MAX: variants seen among roughly 807,000 people sequenced by gnomAD.
MAX encodes protein max.
A neutral mutation model predicts 22.3 loss-of-function variants in MAX; 3 were observed. The observed-to-expected ratio is 0.13, with a 90% CI of 0.06 to 0.35. The LOEUF (loss-of-function observed/expected upper bound fraction) is 0.35. MAX is among the 10% of genes least tolerant of loss of function. MAX has a pLI of 1.00. For synonymous variants in MAX, 72 were observed against 77.7 expected (o/e 0.93, Z 0.39); for missense variants, 119 against 209.4 (o/e 0.57, Z 2.66).
chr14:65,066,877 A>AAC (rs1297900162), intron 3 of MAX, among the ~76,000 whole-genome samples: 1 of 146,472 alleles, frequency 6.8e-6, no homozygotes, highest in Non-Finnish European at 1.5e-5. Context: ...AAAAAAAAAA[A>AAC]AACAATGTAT....
intron 3 of MAX, among the ~76,000 whole-genome samples, chr14:65,081,054 C>T (rs937429617): frequency 2.0e-5 from 3 of 152,174 alleles, no homozygotes; most frequent in African/African-American, 7.2e-5. Context: ...ATGTTCAGAA[C>T]ATAGTGTCTT....
In MAX at chr14:65,047,021, A is replaced by C. The variant is rs1295245228; in HGVS notation, c.172-40737T>G. 6.6e-6 allele frequency among the ~76,000 whole-genome samples: 1 copy of C among 152,236 alleles called. No individual in the cohort carries two copies. The highest frequency in any genetic ancestry group is 1.5e-5 in the Non-Finnish European group (1 of 68,046). On this transcript the variant is annotated intron_variant, in intron 3 of 3. Transcript: ENST00000341653. The surrounding 1 kb of genome is among the most constrained non-coding windows in gnomAD (Gnocchi z 5.2). ...GAATGGCTAATTTCTTTAATTTGAA[A>C]AAAAATCATACAAACCAGTAAGAAA...
chr14:65,012,313 C>T lies in MAX; in HGVS notation c.172-6029G>A. The T allele has an allele frequency of 1.2e-6, 2 of 1,613,996 alleles. No individual in the cohort carries two copies. Among genetic ancestry groups the T allele is most frequent in the South Asian group, 1.1e-5 (1 of 91,080 alleles). Reference sequence around the variant, plus strand: ...ATGGGCTTATAAACTGTTTGTCTTTCCAGGCTTGTTTTGCAGAGGGAGAAG... The same window carrying T: ...ATGGGCTTATAAACTGTTTGTCTTTTCAGGCTTGTTTTGCAGAGGGAGAAG... On this transcript the variant is annotated intron_variant, in intron 3 of 3. Coordinates refer to the MAX transcript ENST00000341653. This position sits in a 1 kb window ranked among gnomAD's most constrained non-coding sequence, Gnocchi z 5.0.
chr14:65,027,829 C>T lies in MAX; in HGVS notation c.172-21545G>A, dbSNP rs2062011496. The stretch of plus-strand genomic sequence containing the variant: ...TGCCACATCAGTTGACTCTAGAGCT[C>T]ATCTGCCATTAGAGATGCCAAGCCT... On this transcript the variant is annotated intron_variant, in intron 3 of 3. Transcript: ENST00000341653. This position sits in a 1 kb window ranked among gnomAD's most constrained non-coding sequence, Gnocchi z 5.7. The T allele has an allele frequency of 6.2e-7, 1 of 1,611,168 alleles. No individual in the cohort carries two copies. The highest frequency in any genetic ancestry group is 1.7e-5 in the Admixed American group (1 of 59,708).
rs1462240259 is a variant in MAX at position 65,047,630 on chromosome 14, A to C, written c.172-41346T>G. Among the ~76,000 whole-genome samples, 2 of 152,182 alleles carry C rather than the reference A, an allele frequency of 1.3e-5. No individual in the cohort carries two copies. The highest frequency in any genetic ancestry group is 2.9e-5 in the Non-Finnish European group (2 of 68,030). ...AGACATCCATTTAAATTATAAGGGCACTTACCCTTTGAACACAGCAAGTGC... is the reference window on the plus strand; with the variant it reads ...AGACATCCATTTAAATTATAAGGGCCCTTACCCTTTGAACACAGCAAGTGC... On this transcript the variant is annotated intron_variant, in intron 3 of 3. Transcript: ENST00000341653. This position sits in a 1 kb window ranked among gnomAD's most constrained non-coding sequence, Gnocchi z 5.2.
chr14:65,071,317 T>A (rs1449622206), downstream of MAX, among the ~76,000 whole-genome samples: 1 of 152,038 alleles, frequency 6.6e-6, no homozygotes, highest in Non-Finnish European at 1.5e-5. The surrounding 1 kb of genome is among the most constrained non-coding windows in gnomAD (Gnocchi z 4.2). Context: ...AATTTTTTTG[T>A]ATTTTTAGTA....
At chr14:65,102,529 TC>T (rs2063883848), upstream of MAX, 34 of 1,450,744 alleles carry the variant, frequency 2.3e-5, 1 homozygote, top group South Asian at 4.4e-4. Flanking sequence ...CAGCACCGGA[TC>T]AACGGCGGCA....
In MAX at chr14:65,028,488, C is replaced by T. The variant is rs907304206; in HGVS notation, c.172-22204G>A. 1.3e-5 allele frequency among the ~76,000 whole-genome samples: 2 copies of T among 152,144 alleles called. No individual in the cohort carries two copies. Among genetic ancestry groups the T allele is most frequent in the Admixed American group, 1.3e-4 (2 of 15,268 alleles). On this transcript the variant is annotated intron_variant, in intron 3 of 3. Transcript: ENST00000341653. This position sits in a 1 kb window ranked among gnomAD's most constrained non-coding sequence, Gnocchi z 4.4. ...TTGAGAAATACATTTTGTGAGGTTT[C>T]TATAGCAAAGCTGTCTTACTGCCTA... is the stretch of plus-strand genomic sequence containing the variant.
chr14:65,048,881 T>G (rs1312009067), intron 3 of MAX, among the ~76,000 whole-genome samples: 2 of 151,698 alleles, frequency 1.3e-5, no homozygotes, highest in African/African-American at 4.8e-5. Flanking sequence ...AATCCCAGCA[T>G]TTTGGGAGGC....
At chr14:65,053,719 T>C (rs1227988178) in intron 3 of MAX, among the ~76,000 whole-genome samples, 2 of 151,844 alleles carry the variant, frequency 1.3e-5, no homozygotes, top group Non-Finnish European at 2.9e-5. Flanking sequence ...TCATGACAAC[T>C]ATTATAGAGT....
rs1466875771 is a variant in MAX, at chr14:65,028,216, T to G, written c.172-21932A>C. Among the ~76,000 whole-genome samples, 1 of 152,136 alleles carries G rather than the reference T, an allele frequency of 6.6e-6. No individual in the cohort carries two copies. Among genetic ancestry groups the G allele is most frequent in the African/African-American group, 2.4e-5 (1 of 41,426 alleles). Reference sequence around the variant, plus strand: ...ATCCCTGAGGTCCTCCTGAGGCACATGAGAGTTTTTCTGGGAGGTGCAGAG... The same window carrying G: ...ATCCCTGAGGTCCTCCTGAGGCACAGGAGAGTTTTTCTGGGAGGTGCAGAG... On this transcript the variant is annotated intron_variant, in intron 3 of 3. Coordinates refer to the MAX transcript ENST00000341653. This position sits in a 1 kb window ranked among gnomAD's most constrained non-coding sequence, Gnocchi z 4.4.
intron 3 of MAX, chr14:65,061,196 G>T (rs1204171763): frequency 1.5e-5 from 24 of 1,614,126 alleles, no homozygotes; most frequent in Non-Finnish European, 2.0e-5. Context: ...CACTCACCCA[G>T]TGTACAACAT....
intron 3 of MAX, among the ~76,000 whole-genome samples, chr14:65,089,659 G>A (rs2063441428): frequency 6.7e-6 from 1 of 149,242 alleles, no homozygotes; most frequent in Admixed American, 6.8e-5. Context: ...CCCAACATAA[G>A]TATGGTGAGC....
Position 65,075,952 on chromosome 14 carries a change from T to C in MAX, c.*524A>G, listed in dbSNP as rs1279333771. 1.9e-6 allele frequency: 2 copies of C among 1,073,862 alleles called. No homozygotes were observed. Among genetic ancestry groups the C allele is most frequent in the African/African-American group, 3.3e-5 (2 of 60,916 alleles). The allele number at this position is 1,073,862 out of a possible 1,614,324, so 66.5% of individuals were successfully genotyped here. A position where few individuals can be genotyped will look rare whatever the true frequency, so the allele number is the denominator to read the frequency against. ...TCAATAGGAGCGATACATAGCTTTT[T>C]AGAAAAAGGAAAAAAAAAAAACCCT... is the stretch of plus-strand genomic sequence containing the variant. On this transcript the variant is annotated 3_prime_UTR_variant, in exon 5 of 5. Transcript: ENST00000358664. The surrounding 1 kb of genome is among the most constrained non-coding windows in gnomAD (Gnocchi z 4.1).
Position 65,088,028 on chromosome 14 carries a change from C to T in MAX, c.171+5680G>A, listed in dbSNP as rs931675842. Among the ~76,000 whole-genome samples, 94 of 152,332 alleles carry T rather than the reference C, an allele frequency of 6.2e-4. 1 individual carries two copies. Among genetic ancestry groups the T allele is most frequent in the African/African-American group, 2.2e-3 (92 of 41,580 alleles). On this transcript the variant is annotated intron_variant, in intron 3 of 4. Coordinates refer to ENST00000358664, the MANE Select transcript of MAX (RefSeq NM_002382.5). The surrounding 1 kb of genome is among the most constrained non-coding windows in gnomAD (Gnocchi z 5.2). ...TGCACAAGCTCTCTCTCTTTGCCTGCTGCCATCCATGTAAGACATGACTTG... is the reference window on the plus strand; with the variant it reads ...TGCACAAGCTCTCTCTCTTTGCCTGTTGCCATCCATGTAAGACATGACTTG...
chr14:65,034,475 A>G (rs1317352787), intron 3 of MAX, among the ~76,000 whole-genome samples: 1 of 152,352 alleles, frequency 6.6e-6, no homozygotes, highest in East Asian at 1.9e-4. Context: ...GCAATGGTAT[A>G]AACTGTAGTC....
chr14:65,100,588 TCTTC>T (rs1239326447), intron 2 of MAX, among the ~76,000 whole-genome samples: 2 of 152,164 alleles, frequency 1.3e-5, no homozygotes, highest in African/African-American at 4.8e-5. Context: ...AGCCCTCACC[TCTTC>T]CTTCTTTATT....
rs1156807933 is a variant in MAX, at chr14:65,093,799, T to C, written c.80A>G (p.His27Arg). ...RFQSAADKRA[H>R]HNALERKRRD... ...ACGTTTTCGTTCCAGTGCATTATGA[T>C]GAGCCCGTTTGTCAGCCTAGAAGAA... The change falls in exon 3 of 5, where the codon CAT becomes CGT. Residue 27 changes from histidine to arginine, a missense_variant. By Grantham distance (29) the His-to-Arg change is conservative. Transcript: ENST00000358664. The surrounding 1 kb of genome is among the most constrained non-coding windows in gnomAD (Gnocchi z 4.4). 1 of 1,597,210 alleles carries C rather than the reference T, an allele frequency of 6.3e-7. No homozygotes were observed. Among genetic ancestry groups the C allele is most frequent in the Non-Finnish European group, 8.6e-7 (1 of 1,164,538 alleles).
chr14:65,008,087 T>TA (rs2061623750), intron 3 of MAX, among the ~76,000 whole-genome samples: 1 of 152,222 alleles, frequency 6.6e-6, no homozygotes, highest in Non-Finnish European at 1.5e-5. Context: ...ATTCCCTTCT[T>TA]ACTGTTGTTC....
Sources: allele counts gnomAD v4.1 joint callset (sites outside exome capture counted in the v4.1 genomes callset), GRCh38; gene constraint gnomAD v4.1.1; non-coding constraint Gnocchi (gnomAD v3.1); transcripts MANE v1.5; gene names NCBI Gene and HGNC (gene_info 2026-07-23, HGNC 2026-07-21).